The following KDM4C variants were observed in gnomAD, a reference collection of about 807,000 sequenced individuals.
KDM4C encodes the protein lysine-specific demethylase 4C.
In KDM4C, 81 loss-of-function variants were observed where a neutral mutation model predicts 129.3. That is an observed-to-expected ratio of 0.63 (90% CI 0.52 to 0.75). The LOEUF (loss-of-function observed/expected upper bound fraction) is 0.75. KDM4C is among the 30% of genes least tolerant of loss of function. The pLI, the probability that KDM4C is intolerant of heterozygous loss-of-function variation, is 0.00. For synonymous variants in KDM4C, 573 were observed against 456.1 expected (o/e 1.26, Z -3.26); for missense variants, 1,457 against 1,304.0 (o/e 1.12, Z -1.81).
intron 6 of KDM4C, among the ~76,000 whole-genome samples, chr9:6,883,227 A>T (rs1844747396): frequency 6.6e-6 from 1 of 152,244 alleles, no homozygotes; most frequent in South Asian, 2.1e-4. Flanking sequence ...GCATTCACTT[A>T]GCTGATAGTC....
At chr9:6,914,018 A>G (rs930054633) in intron 8 of KDM4C, among the ~76,000 whole-genome samples, 2 of 152,188 alleles carry the variant, frequency 1.3e-5, no homozygotes, top group African/African-American at 4.8e-5. Context: ...TTTGCAGTTG[A>G]AAGCCTGAGA....
intron 5 of KDM4C, among the ~76,000 whole-genome samples, chr9:6,858,740 C>T (rs916928245): frequency 2.0e-5 from 3 of 151,350 alleles, no homozygotes; most frequent in Admixed American, 1.3e-4. Context: ...TCACTGCACT[C>T]CAGCCTGGGT....
At chr9:7,156,287 C>A (rs1843163575) in intron 19 of KDM4C, among the ~76,000 whole-genome samples, 1 of 152,160 alleles carries the variant, frequency 6.6e-6, no homozygotes, top group Non-Finnish European at 1.5e-5. Context: ...CAAAAATTTT[C>A]TCCCATTCTG....
intron 8 of KDM4C, among the ~76,000 whole-genome samples, chr9:6,940,634 A>G (rs1825775058): frequency 6.6e-6 from 1 of 152,242 alleles, no homozygotes; most frequent in African/African-American, 2.4e-5. Context: ...AAGTGGGAAA[A>G]AAAACGTAGC....
intron 15 of KDM4C, among the ~76,000 whole-genome samples, chr9:7,045,242 T>A (rs1403448968): frequency 6.6e-6 from 1 of 152,018 alleles, no homozygotes; most frequent in Non-Finnish European, 1.5e-5. Context: ...TCCTAACTTG[T>A]CCCTTTAGGC....
intron 15 of KDM4C, among the ~76,000 whole-genome samples, chr9:7,030,299 A>G (rs1826510068): frequency 6.6e-6 from 1 of 152,178 alleles, no homozygotes; most frequent in Non-Finnish European, 1.5e-5. Context: ...ATAAATACTG[A>G]CCAGATGACT....
At chr9:7,066,413 T>G (rs1019308512) in intron 17 of KDM4C, among the ~76,000 whole-genome samples, 1 of 152,230 alleles carries the variant, frequency 6.6e-6, no homozygotes, top group African/African-American at 2.4e-5. Context: ...AAAGCCCTTT[T>G]TCTCAGGTAT....
rs181571959 is a variant in KDM4C, at chr9:6,771,002, C to T, written c.-18+12799C>T. ...TATTGGCCAAGCTGGTCTCAAACTC[C>T]TGACCTCGTGATCCACCCGCCTTGG... On this transcript the variant is annotated intron_variant, in intron 1 of 21. Transcript: ENST00000381309. 2.4e-3 allele frequency among the ~76,000 whole-genome samples: 369 copies of T among 150,968 alleles called. 3 individuals carry two copies. The highest frequency in any genetic ancestry group is 8.7e-3 in the African/African-American group (358 of 41,158).
chr9:7,137,480 G>A (rs976524355), intron 19 of KDM4C, among the ~76,000 whole-genome samples: 2 of 152,134 alleles, frequency 1.3e-5, no homozygotes, highest in Non-Finnish European at 1.5e-5. Context: ...AAAATGGTAC[G>A]TTAGCTGCCT....
Position 7,025,867 on chromosome 9 carries a change from CAG to C in KDM4C, c.2259+9939_2259+9940del, listed in dbSNP as rs1825723996. Reference sequence around the variant, plus strand: ...CTATTACCAGTGAGTTTTGGACCTTCAGTTGATTTCTTATTACTCATCAACTT... The same window carrying C: ...CTATTACCAGTGAGTTTTGGACCTTCTTGATTTCTTATTACTCATCAACTT... On this transcript the variant is annotated intron_variant, in intron 15 of 21. Transcript: ENST00000381309. Among the ~76,000 whole-genome samples the C allele has an allele frequency of 2.0e-5, 3 of 152,146 alleles. No homozygotes were observed. In the South Asian group the frequency reaches 6.2e-4, roughly 32 times the overall value.
In KDM4C at chr9:7,049,132, C is replaced by T. The variant is rs374516052; in HGVS notation, c.2356C>T (p.Arg786Ter). The T allele has an allele frequency of 9.9e-6, 16 of 1,612,352 alleles. No individual in the cohort carries two copies. The highest frequency in any genetic ancestry group is 2.2e-5 in the East Asian group (1 of 44,832). Residue 786 changes from arginine to a stop codon, truncating the protein, a stop_gained, in exon 17 of 22, where the codon CGA (arginine) becomes TGA (stop). Coordinates refer to ENST00000381309, the MANE Select transcript of KDM4C (RefSeq NM_015061.6). LOFTEE classifies it high-confidence loss of function. ...GTGCGCCGTTGCGGTCCCAGAAGTT[C>T]GATTCACTAATGTCCCAGAAAGGAC... The part of the protein sequence containing the change: ...VMCAVAVPEV[R>*]FTNVPERTQI...
At chr9:6,874,989 T>G (rs1228626298) in intron 5 of KDM4C, among the ~76,000 whole-genome samples, 1 of 150,890 alleles carries the variant, frequency 6.6e-6, no homozygotes, top group Non-Finnish European at 1.5e-5. Flanking sequence ...GTCTTGGGAG[T>G]TTGACTGAAG....
chr9:7,001,863 T>C (rs185974539), intron 12 of KDM4C, among the ~76,000 whole-genome samples: 1 of 152,138 alleles, frequency 6.6e-6, no homozygotes, highest in Non-Finnish European at 1.5e-5. Context: ...ATGAAATAGC[T>C]TATGAATCTG....
chr9:7,090,264 GGACCATTTTT>G (rs1443729422), intron 17 of KDM4C, among the ~76,000 whole-genome samples: 1 of 152,074 alleles, frequency 6.6e-6, no homozygotes, highest in Non-Finnish European at 1.5e-5. Context: ...ACCTCTTCTA[GGACCATTTTT>G]GACAGTAGCT....
intron 1 of KDM4C, among the ~76,000 whole-genome samples, chr9:6,751,527 G>C (rs1345463718): frequency 6.6e-6 from 1 of 152,136 alleles, no homozygotes; most frequent in African/African-American, 2.4e-5. Flanking sequence ...GAAGGGCAAA[G>C]TCACATTGCA....
intron 8 of KDM4C, among the ~76,000 whole-genome samples, chr9:6,934,738 A>C (rs1440632942): frequency 6.6e-6 from 1 of 152,126 alleles, no homozygotes; most frequent in African/African-American, 2.4e-5. Context: ...CTGAGATTGC[A>C]GGCGTGAGCC....
chr9:7,148,327 G>C (rs1842408425), intron 19 of KDM4C, among the ~76,000 whole-genome samples: 1 of 152,172 alleles, frequency 6.6e-6, no homozygotes, highest in Non-Finnish European at 1.5e-5. Flanking sequence ...AGTGCGGTGA[G>C]CCGGGGGGCC....
chr9:7,052,883 G>GAGAGAGAGAA (rs1830354328), intron 17 of KDM4C, among the ~76,000 whole-genome samples: 1 of 13,270 alleles, frequency 7.5e-5, no homozygotes, highest in Non-Finnish European at 1.5e-4. Context: ...GAGAGAGAGA[G>GAGAGAGAGAA]AGAGAGAGAG....
chr9:6,813,132 G>T (rs1244210779), intron 3 of KDM4C, among the ~76,000 whole-genome samples: 2 of 152,090 alleles, frequency 1.3e-5, no homozygotes, highest in African/African-American at 4.8e-5. Context: ...CCGAGATCGT[G>T]CCGCTGTACT....
Sources: allele counts gnomAD v4.1 joint callset (sites outside exome capture counted in the v4.1 genomes callset), GRCh38; gene constraint gnomAD v4.1.1; transcripts MANE v1.5; gene names NCBI Gene and HGNC (gene_info 2026-07-23, HGNC 2026-07-21).